The following LPXN variants were observed in gnomAD, a reference collection of about 807,000 sequenced individuals.
LPXN encodes leupaxin.
Under a neutral mutation model 45.6 loss-of-function variants are expected in LPXN, and 28 were observed. The observed-to-expected ratio is 0.61, with a 90% CI of 0.45 to 0.84. The LOEUF is 0.84. Among genes scored for constraint, LPXN ranks in the 40% least tolerant of loss-of-function variants. The pLI is 0.00. For synonymous variants in LPXN, 166 were observed against 169.9 expected, an observed-to-expected ratio of 0.98 and a Z score of 0.18; for missense variants, 459 against 475.0, an observed-to-expected ratio of 0.97 and a Z score of 0.31.
At chr11:58,527,768 G>C (rs1853270560) in intron 8 of LPXN, 45 bp from the exon 9 acceptor site, 1 of 1,567,824 alleles carries the variant, frequency 6.4e-7, no homozygotes, top group Non-Finnish European at 8.7e-7. Context: ...AATGTCAAGA[G>C]GTAAAATGTC....
intron 2 of LPXN, among the ~76,000 whole-genome samples, chr11:58,565,049 G>A (rs780587603): frequency 4.7e-4 from 71 of 152,316 alleles, no homozygotes; most frequent in Admixed American, 4.0e-3. Context: ...AGATCATACA[G>A]ATGAGGTGGC....
chr11:58,529,123 TA>T (rs778570611), intron 7 of LPXN, among the ~76,000 whole-genome samples: 2 of 152,076 alleles, frequency 1.3e-5, no homozygotes, highest in Non-Finnish European at 2.9e-5. Flanking sequence ...AAAACTGTCA[TA>T]AATAAAGCCC....
chr11:58,576,262 T>G (rs1219388973), upstream of LPXN, among the ~76,000 whole-genome samples: 1 of 152,146 alleles, frequency 6.6e-6, no homozygotes. Context: ...AGCATCCATT[T>G]CATTTTGTTG....
At chr11:58,549,737 A>G (rs1287509415) in intron 7 of LPXN, 49 bp downstream of exon 7, 5 of 1,540,534 alleles carry the variant, frequency 3.2e-6, no homozygotes, top group Non-Finnish European at 3.6e-6. Flanking sequence ...TGCTGGTCTT[A>G]TAACTACCCA....
intron 7 of LPXN, among the ~76,000 whole-genome samples, chr11:58,544,857 A>G (rs1383537499): frequency 6.6e-6 from 1 of 152,182 alleles, no homozygotes; most frequent in African/African-American, 2.4e-5. Context: ...TAGACATTGA[A>G]GAGCTCATCC....
intron 7 of LPXN, among the ~76,000 whole-genome samples, chr11:58,534,910 G>A (rs1021463467): frequency 3.9e-5 from 6 of 152,080 alleles, no homozygotes; most frequent in Non-Finnish European, 8.8e-5. Flanking sequence ...AAATAAACTA[G>A]AAAATCTAGA....
chr11:58,534,257 C>T (rs1030915807), intron 7 of LPXN, among the ~76,000 whole-genome samples: 16 of 152,066 alleles, frequency 1.1e-4, no homozygotes, highest in African/African-American at 3.6e-4. Flanking sequence ...ATTCTAAAAT[C>T]GACTATGTAA....
chr11:58,539,902 G>A (rs1039391724), intron 7 of LPXN, among the ~76,000 whole-genome samples: 1 of 152,096 alleles, frequency 6.6e-6, no homozygotes, highest in African/African-American at 2.4e-5. Flanking sequence ...TATTCCATTG[G>A]ATTTAGGTAA....
At chr11:58,578,130 A>G, upstream of LPXN, 1 of 1,500,446 alleles carries the variant, frequency 6.7e-7, no homozygotes, top group East Asian at 2.6e-5. Context: ...ACCCCGAGAA[A>G]GGTACGCCAA....
upstream of LPXN, chr11:58,578,283 T>C: frequency 2.3e-6 from 1 of 436,520 alleles, no homozygotes; most frequent in Non-Finnish European, 4.1e-6. Flanking sequence ...AACTCTAGAC[T>C]GCGGAAAGTA....
intron 4 of LPXN, among the ~76,000 whole-genome samples, chr11:58,553,487 C>T (rs1024247141): frequency 6.6e-6 from 1 of 151,966 alleles, no homozygotes; most frequent in Non-Finnish European, 1.5e-5. Context: ...GCCAATCTAC[C>T]CAGCTTTATT....
chr11:58,532,388 C>T (rs1417711415), intron 7 of LPXN, among the ~76,000 whole-genome samples: 2 of 152,242 alleles, frequency 1.3e-5, no homozygotes, highest in African/African-American at 4.8e-5. Context: ...ATCCACTAGG[C>T]GAAGCCAGCT....
chr11:58,570,532 G>A, intron 2 of LPXN, 24 bp downstream of exon 2: 1 of 1,579,464 alleles, frequency 6.3e-7, no homozygotes, highest in East Asian at 2.2e-5. Context: ...CCATGTTTAA[G>A]GACTATAATA....
intron 4 of LPXN, among the ~76,000 whole-genome samples, chr11:58,552,907 G>A (rs1013538637): frequency 7.9e-5 from 12 of 152,160 alleles, no homozygotes; most frequent in Non-Finnish European, 8.8e-5. Flanking sequence ...AACAGATATA[G>A]AAGAGACAGG....
At chr11:58,553,335 C>CAAAA (rs35629114) in intron 4 of LPXN, among the ~76,000 whole-genome samples, 8 of 68,300 alleles carry the variant, frequency 1.2e-4, no homozygotes, top group South Asian at 5.2e-4. Context: ...GAATCTGTCT[C>CAAAA]AAAAAAAAAA....
At chr11:58,571,126 G>C (rs963760916) in intron 1 of LPXN, among the ~76,000 whole-genome samples, 7 of 152,082 alleles carry the variant, frequency 4.6e-5, no homozygotes, top group African/African-American at 1.7e-4. Context: ...AGGATCCCTT[G>C]AGCCTAGGAG....
chr11:58,578,066 C>A, upstream of LPXN: 2 of 1,549,906 alleles, frequency 1.3e-6, no homozygotes, highest in Non-Finnish European at 8.7e-7. Context: ...CTAGCCAGTC[C>A]CAGAGGAGGT....
chr11:58,534,990 A>T (rs1317113949), intron 7 of LPXN, among the ~76,000 whole-genome samples: 1 of 152,272 alleles, frequency 6.6e-6, no homozygotes, highest in Non-Finnish European at 1.5e-5. Flanking sequence ...ATCCCTGGAT[A>T]GACCAACAAC....
intron 2 of LPXN, among the ~76,000 whole-genome samples, chr11:58,565,779 A>AT (rs1231239239): frequency 2.0e-5 from 3 of 152,014 alleles, no homozygotes; most frequent in Non-Finnish European, 4.4e-5. Context: ...GGTCAGGAGA[A>AT]TTTGAGACCA....
Sources: allele counts gnomAD v4.1 joint callset (sites outside exome capture counted in the v4.1 genomes callset), GRCh38; gene constraint gnomAD v4.1.1; transcripts MANE v1.5; gene names NCBI Gene and HGNC (gene_info 2026-07-23, HGNC 2026-07-21).